CFAP221: variants seen among roughly 807,000 people sequenced by gnomAD.
The protein encoded by CFAP221 is cilia- and flagella-associated protein 221.
In CFAP221, 97 loss-of-function variants were observed where a neutral mutation model predicts 113.1. The observed-to-expected ratio is 0.86, with a 90% confidence interval of 0.73 to 1.02. CFAP221 has a LOEUF of 1.02. Among genes scored for constraint, CFAP221 ranks in the 50% least tolerant of loss-of-function variants. The probability of loss-of-function intolerance (pLI) is 0.00; values close to 1 mark genes in which losing one functional copy is unlikely to be tolerated. For synonymous variants in CFAP221, 331 were observed against 354.4 expected (o/e 0.93, Z 0.74); for missense variants, 1,025 against 1,013.4 (o/e 1.01, Z -0.16).
Position 119,630,673 on chromosome 2 carries a change from C to T in CFAP221, c.1835C>T (p.Ala612Val), listed in dbSNP as rs557627403. 16 of 1,611,492 alleles carry T rather than the reference C, an allele frequency of 9.9e-6. No homozygotes were observed. The African/African-American group carries it at 2.0e-4, about 20-fold the overall frequency. The change falls in exon 18 of 24, where the codon GCT becomes GTT. Residue 612 changes from alanine to valine, a missense_variant. Transcript: ENST00000413369. ...QKLARALKQG[A>V]EDEVTTITAL... is the part of the protein sequence containing the mutation. ...CTTGCCCGAGCCCTAAAGCAAGGAG[C>T]TGAGGTAACACACCCCCATCTTCCA...
Position 119,615,702 on chromosome 2 carries a change from C to T in CFAP221, c.1403C>T (p.Ala468Val). Residue 468 changes from alanine (A) to valine (V), a missense_variant, in exon 14 of 24, where the codon GCA (alanine) becomes GTA (valine). Transcript: ENST00000413369. ...SRAQKRFQQV[A>V]RKVMIQGRLF... is the part of the protein sequence containing the mutation. ...GCACAAAAACGGTTTCAACAAGTAG[C>T]ACGCAAGGTAAGTCTCAGCACCAGC... is the stretch of plus-strand genomic sequence containing the variant. The T allele has an allele frequency of 6.2e-7, 1 of 1,608,910 alleles. No individual in the cohort carries two copies. Among genetic ancestry groups the T allele is most frequent in the Non-Finnish European group, 8.5e-7 (1 of 1,176,144 alleles).
At chr2:119,641,719 G>A (rs963670931) in intron 21 of CFAP221, among the ~76,000 whole-genome samples, 1 of 152,028 alleles carries the variant, frequency 6.6e-6, no homozygotes, top group Non-Finnish European at 1.5e-5. Flanking sequence ...CTCCTTCCCC[G>A]CCCACTAAGC....
intron 3 of CFAP221, among the ~76,000 whole-genome samples, chr2:119,553,094 A>G (rs1331588300): frequency 1.3e-5 from 2 of 152,232 alleles, no homozygotes; most frequent in African/African-American, 4.8e-5. Context: ...AAACCACCAA[A>G]TAACTCAGAC....
intron 22 of CFAP221, among the ~76,000 whole-genome samples, chr2:119,651,637 T>C (rs1024903549): frequency 6.6e-6 from 1 of 152,262 alleles, no homozygotes; most frequent in Non-Finnish European, 1.5e-5. Flanking sequence ...TTTTAGTCTT[T>C]TGAAATCTTT....
intron 20 of CFAP221, among the ~76,000 whole-genome samples, chr2:119,639,224 C>T (rs1244000274): frequency 1.3e-5 from 2 of 152,156 alleles, no homozygotes; most frequent in Non-Finnish European, 2.9e-5. Flanking sequence ...ATTTCCTGCT[C>T]GAAAGCCCTC....
At chr2:119,623,475 C>A (rs1243701906) in intron 14 of CFAP221, among the ~76,000 whole-genome samples, 6 of 152,204 alleles carry the variant, frequency 3.9e-5, no homozygotes, top group Non-Finnish European at 8.8e-5. Flanking sequence ...CTATTCCCAT[C>A]AAGCTGCCAT....
intron 3 of CFAP221, among the ~76,000 whole-genome samples, chr2:119,552,881 A>G (rs2105020029): frequency 6.6e-6 from 1 of 151,956 alleles, no homozygotes; most frequent in South Asian, 2.1e-4. Flanking sequence ...AAGAAACAGC[A>G]TATTATTTTG....
intron 8 of CFAP221, 66 bp downstream of exon 8, chr2:119,601,443 C>T: frequency 3.0e-6 from 4 of 1,340,716 alleles, no homozygotes; most frequent in Non-Finnish European, 3.9e-6. Context: ...GTCTTCCTTT[C>T]TTCCATTCTG....
chr2:119,593,867 C>CA (rs1051789500), intron 7 of CFAP221, among the ~76,000 whole-genome samples: 37 of 151,010 alleles, frequency 2.5e-4, no homozygotes, highest in Non-Finnish European at 4.0e-4. Context: ...ACAACAACAA[C>CA]AAAAAAAACC....
chr2:119,613,968 C>T (rs1685353167), intron 13 of CFAP221, among the ~76,000 whole-genome samples: 1 of 152,214 alleles, frequency 6.6e-6, no homozygotes, highest in African/African-American at 2.4e-5. Context: ...TTTGACAGCA[C>T]CCAAGTCACC....
In CFAP221 at chr2:119,634,502, A is replaced by G. The variant is rs72834858; in HGVS notation, c.1974+3601A>G. On this transcript the variant is annotated intron_variant, in intron 19 of 23. Coordinates refer to ENST00000413369, the MANE Select transcript of CFAP221 (RefSeq NM_001271049.2). ...GACAGAGAAAGAAAACAGGATATCA[A>G]AGAGATATTAGCACTCCTATGTTCA... Among the ~76,000 whole-genome samples the G allele has an allele frequency of 7.8e-3, 1,186 of 152,296 alleles. 8 individuals are homozygous for G. The highest frequency in any genetic ancestry group is 0.015 in the South Asian group (71 of 4,824).
At chr2:119,566,140 G>A (rs1681607372) in intron 6 of CFAP221, among the ~76,000 whole-genome samples, 1 of 152,146 alleles carries the variant, frequency 6.6e-6, no homozygotes, top group South Asian at 2.1e-4. Context: ...ACCACTTCCA[G>A]GAGGAGGACA....
intron 2 of CFAP221, 43 bp downstream of exon 2, chr2:119,546,313 C>G: frequency 6.6e-7 from 1 of 1,516,912 alleles, no homozygotes; most frequent in Non-Finnish European, 8.8e-7. Flanking sequence ...CTCACATCTT[C>G]CCAGGCGAGC....
At chr2:119,577,673 C>T (rs928087108) in intron 6 of CFAP221, among the ~76,000 whole-genome samples, 3 of 152,016 alleles carry the variant, frequency 2.0e-5, no homozygotes, top group African/African-American at 7.3e-5. Context: ...TAGTACTTAC[C>T]TCATAGGGTT....
chr2:119,588,894 G>C (rs1265142066), intron 7 of CFAP221, among the ~76,000 whole-genome samples: 1 of 152,140 alleles, frequency 6.6e-6, no homozygotes. Flanking sequence ...AGTGTGGATA[G>C]AGAAGTGGAC....
At chr2:119,596,715 C>T (rs1684008264) in intron 7 of CFAP221, among the ~76,000 whole-genome samples, 1 of 152,236 alleles carries the variant, frequency 6.6e-6, no homozygotes, top group Non-Finnish European at 1.5e-5. Context: ...GTTAGCGTCT[C>T]AGTATGCACA....
At chr2:119,647,220 G>T (rs754919340) in intron 22 of CFAP221, among the ~76,000 whole-genome samples, 170 bp downstream of exon 22, 1 of 152,094 alleles carries the variant, frequency 6.6e-6, no homozygotes, top group South Asian at 2.1e-4. Context: ...TGTTAAATTC[G>T]TGGTGGAGAA....
At chr2:119,585,738 A>G (rs1217236874) in intron 6 of CFAP221, among the ~76,000 whole-genome samples, 1 of 152,194 alleles carries the variant, frequency 6.6e-6, no homozygotes. Context: ...TACTGAAAAA[A>G]GGGTTATTTC....
Position 119,548,683 on chromosome 2 carries a change from C to T in CFAP221, c.140-402C>T, listed in dbSNP as rs188480415. On this transcript the variant is annotated intron_variant, in intron 2 of 23. Transcript: ENST00000413369. ...ATACATAGTAATAAACTTAAGTGTG[C>T]GGTGTTTGGATACTTTGATCTGGGT... is the stretch of plus-strand genomic sequence containing the variant. Among the ~76,000 whole-genome samples, 285 of 152,242 alleles carry T rather than the reference C, an allele frequency of 1.9e-3. 3 individuals are homozygous for T. Among genetic ancestry groups the T allele is most frequent in the South Asian group, 0.011 (54 of 4,806 alleles).
Sources: allele counts gnomAD v4.1 joint callset (sites outside exome capture counted in the v4.1 genomes callset), GRCh38; gene constraint gnomAD v4.1.1; transcripts MANE v1.5; gene names NCBI Gene and HGNC (gene_info 2026-07-23, HGNC 2026-07-21).